Variants in VOPP1 observed in about 807,000 individuals in gnomAD.
The protein encoded by VOPP1 is WW domain binding protein VOPP1.
A neutral mutation model predicts 23.5 loss-of-function variants in VOPP1; 8 were observed. The ratio of observed to expected loss-of-function variants is 0.34; its 90% CI spans 0.20 to 0.61. VOPP1 has a LOEUF of 0.61. Ranked by LOEUF, VOPP1 falls within the 20% of genes least tolerant of loss-of-function variation. The probability of loss-of-function intolerance (pLI) is 0.78; values close to 1 mark genes in which losing one functional copy is unlikely to be tolerated. For missense variants in VOPP1, 174 were observed against 238.1 expected (o/e 0.73, Z 1.77); for synonymous variants, 83 against 97.3 (o/e 0.85, Z 0.86).
At chr7:55,556,474 A>G (rs1797808048) in intron 1 of VOPP1, among the ~76,000 whole-genome samples, 1 of 151,998 alleles carries the variant, frequency 6.6e-6, no homozygotes, top group Non-Finnish European at 1.5e-5. Context: ...TCTCTTAATA[A>G]CCAAAATGCA....
At chr7:55,525,159 G>A (rs943400398) in intron 1 of VOPP1, among the ~76,000 whole-genome samples, 5 of 152,200 alleles carry the variant, frequency 3.3e-5, no homozygotes, top group East Asian at 1.9e-4. Flanking sequence ...CAGCCACACC[G>A]CCAGCCAGTC....
chr7:55,553,019 T>C (rs1007936966), intron 1 of VOPP1, among the ~76,000 whole-genome samples: 2 of 152,262 alleles, frequency 1.3e-5, no homozygotes, highest in East Asian at 3.8e-4. Context: ...TGGGAGCTTT[T>C]TGTCTGAGTT....
At chr7:55,555,947 T>A (rs1797785994) in intron 1 of VOPP1, among the ~76,000 whole-genome samples, 1 of 152,182 alleles carries the variant, frequency 6.6e-6, no homozygotes, top group South Asian at 2.1e-4. Context: ...CAAAACTCAC[T>A]TGTTTTCTTT....
intron 1 of VOPP1, among the ~76,000 whole-genome samples, chr7:55,564,177 G>T (rs1798077714): frequency 6.6e-6 from 1 of 151,704 alleles, no homozygotes; most frequent in African/African-American, 2.4e-5. Context: ...AGGGAAGGAG[G>T]GGGAACTAGG....
chr7:55,522,409 C>A (rs1352317679), intron 1 of VOPP1, among the ~76,000 whole-genome samples: 1 of 152,220 alleles, frequency 6.6e-6, no homozygotes, highest in East Asian at 1.9e-4. Flanking sequence ...TTTATTTAGA[C>A]TAGGTTAGCT....
At chr7:55,537,428 T>C (rs1317791211) in intron 1 of VOPP1, 27 of 1,531,838 alleles carry the variant, frequency 1.8e-5, no homozygotes, top group African/African-American at 2.7e-5. Flanking sequence ...CACCATGCTC[T>C]TCTTTCCCAG....
At chr7:55,561,696 GGAA>G (rs1797992069) in intron 1 of VOPP1, among the ~76,000 whole-genome samples, 1 of 13,734 alleles carries the variant, frequency 7.3e-5, no homozygotes, top group Non-Finnish European at 1.9e-4. Flanking sequence ...AACTCTGTCT[GGAA>G]AAAAAAAAAA....
chr7:55,486,383 G>A (rs925955028), intron 4 of VOPP1, among the ~76,000 whole-genome samples: 3 of 152,236 alleles, frequency 2.0e-5, no homozygotes, highest in African/African-American at 7.2e-5. Context: ...GAACATTCTA[G>A]ATGTATCCAC....
intron 2 of VOPP1, among the ~76,000 whole-genome samples, chr7:55,504,839 T>A (rs1794604884): frequency 6.6e-6 from 1 of 152,250 alleles, no homozygotes; most frequent in Non-Finnish European, 1.5e-5. Flanking sequence ...TACTCTCATT[T>A]CCACACTTAT....
At chr7:55,542,284 C>G (rs1435976072) in intron 1 of VOPP1, among the ~76,000 whole-genome samples, 1 of 152,140 alleles carries the variant, frequency 6.6e-6, no homozygotes, top group African/African-American at 2.4e-5. Flanking sequence ...ATTTTCTCTT[C>G]CAGCTATTTT....
At chr7:55,537,499 A>G in intron 1 of VOPP1, 1 of 1,536,102 alleles carries the variant, frequency 6.5e-7, no homozygotes, top group Non-Finnish European at 8.7e-7. Flanking sequence ...CCGAGCAAGC[A>G]CCTGAGCATG....
At chr7:55,476,380 T>C (rs1202360306) in intron 4 of VOPP1, among the ~76,000 whole-genome samples, 3 of 136,478 alleles carry the variant, frequency 2.2e-5, no homozygotes, top group Non-Finnish European at 3.1e-5. Flanking sequence ...CCTGTATTCT[T>C]AGCAGGACCT....
At chr7:55,561,948 G>C (rs1446666525) in intron 1 of VOPP1, 2 of 703,302 alleles carry the variant, frequency 2.8e-6, no homozygotes, top group Non-Finnish European at 5.2e-6. Context: ...TGGGAAAACA[G>C]GAAGTGAAAG....
chr7:55,519,728 T>C (rs1795714047), intron 2 of VOPP1, among the ~76,000 whole-genome samples: 1 of 152,246 alleles, frequency 6.6e-6, no homozygotes, highest in South Asian at 2.1e-4. Flanking sequence ...CACTGACTCC[T>C]GCTTGTCAGT....
chr7:55,545,884 C>T (rs984271869), intron 1 of VOPP1, among the ~76,000 whole-genome samples: 7 of 151,302 alleles, frequency 4.6e-5, no homozygotes, highest in African/African-American at 1.7e-4. Flanking sequence ...GCCCGGGCCA[C>T]ACAGCAAGAC....
chr7:55,467,144 C>T (rs1183442977), downstream of VOPP1, among the ~76,000 whole-genome samples: 1 of 152,206 alleles, frequency 6.6e-6, no homozygotes, highest in Non-Finnish European at 1.5e-5. Flanking sequence ...GGTGGTAACG[C>T]TTGCTTGCCA....
intron 1 of VOPP1, among the ~76,000 whole-genome samples, chr7:55,562,569 A>G (rs529723276): frequency 1.3e-5 from 2 of 152,312 alleles, no homozygotes; most frequent in Non-Finnish European, 2.9e-5. Context: ...TCCAAATACA[A>G]CCAAAATCAG....
chr7:55,489,169 T>C (rs965323421), intron 4 of VOPP1, among the ~76,000 whole-genome samples: 2 of 152,216 alleles, frequency 1.3e-5, no homozygotes, highest in Non-Finnish European at 2.9e-5. Context: ...TGTTAACAAA[T>C]GATCCAGCCC....
intron 2 of VOPP1, among the ~76,000 whole-genome samples, chr7:55,504,845 C>T (rs1057122468): frequency 2.6e-5 from 4 of 152,222 alleles, no homozygotes; most frequent in Non-Finnish European, 4.4e-5. Flanking sequence ...CATTTCCACA[C>T]TTATTGGAGC....
Sources: gnomAD v4.1 joint callset for allele counts (sites outside exome capture counted in the v4.1 genomes callset) on GRCh38, gnomAD v4.1.1 for gene constraint, MANE v1.5 for transcripts, NCBI Gene and HGNC (gene_info 2026-07-23, HGNC 2026-07-21) for gene names.